The following CHN1 variants were observed in gnomAD, a reference collection of about 807,000 sequenced individuals.
CHN1 encodes the protein chimerin 1.
A neutral mutation model predicts 59.5 loss-of-function variants in CHN1; 37 were observed. That is an observed-to-expected ratio of 0.62 (90% CI 0.48 to 0.82). The LOEUF (loss-of-function observed/expected upper bound fraction) is 0.82. CHN1 is among the 40% of genes least tolerant of loss of function. The pLI, the probability that CHN1 is intolerant of heterozygous loss-of-function variation, is 0.00. For missense variants in CHN1, 469 were observed against 571.0 expected, an observed-to-expected ratio of 0.82 and a Z score of 1.82; for synonymous variants, 206 against 200.4, an observed-to-expected ratio of 1.03 and a Z score of -0.24.
intron 1 of CHN1, among the ~76,000 whole-genome samples, chr2:174,991,952 A>T (rs1255297062): frequency 6.6e-6 from 1 of 152,244 alleles, no homozygotes; most frequent in Non-Finnish European, 1.5e-5. Context: ...CAGTCTAGAA[A>T]AGATGACAAA....
chr2:174,866,772 A>C (rs1687229755), intron 6 of CHN1, among the ~76,000 whole-genome samples: 1 of 152,230 alleles, frequency 6.6e-6, no homozygotes, highest in African/African-American at 2.4e-5. Flanking sequence ...TATGAAGCTA[A>C]AGTACAAACT....
At chr2:174,916,783 G>A (rs1359464439) in intron 4 of CHN1, among the ~76,000 whole-genome samples, 2 of 152,216 alleles carry the variant, frequency 1.3e-5, no homozygotes, top group Non-Finnish European at 2.9e-5. Flanking sequence ...TGAATCTGCT[G>A]CAGGCAAGGA....
intron 7 of CHN1, among the ~76,000 whole-genome samples, chr2:174,826,742 A>G (rs1224471813): frequency 6.6e-6 from 1 of 152,216 alleles, no homozygotes; most frequent in Admixed American, 6.5e-5. Context: ...GGCATTTCAA[A>G]AAGCCTGGGA....
intron 3 of CHN1, among the ~76,000 whole-genome samples, chr2:174,938,114 A>C (rs923130782): frequency 6.6e-6 from 1 of 152,044 alleles, no homozygotes; most frequent in African/African-American, 2.4e-5. Context: ...AAGTAGCTGG[A>C]ATTACAGGTG....
In CHN1 at chr2:174,922,857, C is replaced by T. The variant is rs565201210; in HGVS notation, c.115-4292G>A. ...AACATGGCAAAATCATTAAGACAAA[C>T]GATTGAATACAAATATAAATTATGA... On this transcript the variant is annotated intron_variant, in intron 3 of 12. Coordinates refer to ENST00000409900, the MANE Select transcript of CHN1 (RefSeq NM_001822.7). Among the ~76,000 whole-genome samples, 34 of 152,134 alleles carry T rather than the reference C, an allele frequency of 2.2e-4. No homozygotes were observed. The South Asian group carries it at 5.8e-3, about 26-fold the overall frequency.
intron 1 of CHN1, among the ~76,000 whole-genome samples, chr2:174,956,428 G>T (rs1191313307): frequency 6.6e-6 from 1 of 152,056 alleles, no homozygotes; most frequent in East Asian, 1.9e-4. Flanking sequence ...AGGAATATAT[G>T]ATGGTAAAAT....
chr2:174,885,099 AAC>A (rs1202642817), intron 5 of CHN1, among the ~76,000 whole-genome samples: 1 of 151,474 alleles, frequency 6.6e-6, no homozygotes, highest in Non-Finnish European at 1.5e-5. Context: ...CATCCTGGCT[AAC>A]ATGGTGAAAC....
At chr2:174,950,262 T>TA (rs1279904982) in intron 2 of CHN1, among the ~76,000 whole-genome samples, 3 of 151,650 alleles carry the variant, frequency 2.0e-5, no homozygotes, top group Non-Finnish European at 4.4e-5. Flanking sequence ...TTTTTTTTTT[T>TA]AATGTCTTTT....
chr2:174,977,408 T>C (rs1463892766), intron 1 of CHN1, among the ~76,000 whole-genome samples: 1 of 152,246 alleles, frequency 6.6e-6, no homozygotes, highest in African/African-American at 2.4e-5. Context: ...AAAGAATTGC[T>C]GTTTGCCAAT....
chr2:174,817,647 T>C (rs182792737), intron 8 of CHN1, among the ~76,000 whole-genome samples: 7 of 149,394 alleles, frequency 4.7e-5, no homozygotes, highest in African/African-American at 1.7e-4. Flanking sequence ...TCTTTTTTTT[T>C]TTTTTTTTGA....
At chr2:174,982,118 G>A (rs1691174081) in intron 1 of CHN1, among the ~76,000 whole-genome samples, 1 of 152,218 alleles carries the variant, frequency 6.6e-6, no homozygotes, top group South Asian at 2.1e-4. Context: ...CCCTACAAAG[G>A]ACATGAACTC....
At chr2:174,895,276 C>T (rs931489387) in intron 5 of CHN1, among the ~76,000 whole-genome samples, 1 of 150,898 alleles carries the variant, frequency 6.6e-6, no homozygotes, top group African/African-American at 2.4e-5. Context: ...TGAAGGAAAT[C>T]CTTTCATATG....
chr2:174,824,870 A>G (rs1270632891), intron 7 of CHN1, among the ~76,000 whole-genome samples: 1 of 152,204 alleles, frequency 6.6e-6, no homozygotes, highest in African/African-American at 2.4e-5. Flanking sequence ...TTGGCCTCCC[A>G]AAGTGCTGGG....
intron 6 of CHN1, among the ~76,000 whole-genome samples, chr2:174,848,548 A>G (rs1686619972): frequency 6.6e-6 from 1 of 152,186 alleles, no homozygotes; most frequent in Non-Finnish European, 1.5e-5. Context: ...CTAAAATTCT[A>G]TGTATTTAAA....
At chr2:174,805,029 A>G (rs2105374699) in intron 11 of CHN1, among the ~76,000 whole-genome samples, 1 of 152,382 alleles carries the variant, frequency 6.6e-6, no homozygotes, top group Non-Finnish European at 1.5e-5. Context: ...CTCTTTAGCT[A>G]TAAGAAGCAT....
At chr2:174,891,651 T>G (rs994851423) in intron 5 of CHN1, among the ~76,000 whole-genome samples, 1 of 151,508 alleles carries the variant, frequency 6.6e-6, no homozygotes, top group Non-Finnish European at 1.5e-5. Flanking sequence ...AGGCAGTTTA[T>G]AGTGGTAAAT....
chr2:174,996,681 GT>G (rs1691721931), intron 1 of CHN1, among the ~76,000 whole-genome samples: 1 of 152,008 alleles, frequency 6.6e-6, no homozygotes, highest in Non-Finnish European at 1.5e-5. Flanking sequence ...ATCTCACTCA[GT>G]AAAATCTCAA....
At chr2:174,941,511 C>T (rs1275461096) in intron 3 of CHN1, among the ~76,000 whole-genome samples, 2 of 152,156 alleles carry the variant, frequency 1.3e-5, no homozygotes, top group African/African-American at 2.4e-5. Flanking sequence ...TCCCCCTAAT[C>T]CAGTAAAATT....
At chr2:174,897,134 C>T (rs1256502984) in intron 5 of CHN1, among the ~76,000 whole-genome samples, 1 of 152,126 alleles carries the variant, frequency 6.6e-6, no homozygotes, top group African/African-American at 2.4e-5. Context: ...TAACCATTTG[C>T]AACCTTATGC....
Sources: gnomAD v4.1 joint callset for allele counts (sites outside exome capture counted in the v4.1 genomes callset) on GRCh38, gnomAD v4.1.1 for gene constraint, MANE v1.5 for transcripts, NCBI Gene and HGNC (gene_info 2026-07-23, HGNC 2026-07-21) for gene names.